The following ATPSCKMT variants were observed in gnomAD, a reference collection of about 807,000 sequenced individuals.
ATPSCKMT encodes the protein ATP synthase c subunit lysine N-methyltransferase.
ATPSCKMT carries 24 observed loss-of-function variants against 24.3 expected under a neutral mutation model. That is an observed-to-expected ratio of 0.99 (90% CI 0.71 to 1.39). The LOEUF (loss-of-function observed/expected upper bound fraction) is 1.39, where lower values mean the gene tolerates loss of function less well. Ranked by LOEUF, ATPSCKMT falls within the 40% of genes most tolerant of loss-of-function variation. The probability of loss-of-function intolerance (pLI) is 0.00; values close to 1 mark genes in which losing one functional copy is unlikely to be tolerated. For missense variants in ATPSCKMT, 311 were observed against 298.4 expected (o/e 1.04, Z -0.31); for synonymous variants, 95 against 110.5 (o/e 0.86, Z 0.88).
At chr5:10,239,435 A>AT in intron 1 of ATPSCKMT, 79 bp from the exon 2 acceptor site, 1 of 1,245,202 alleles carries the variant, frequency 8.0e-7, no homozygotes, top group East Asian at 2.3e-5. Flanking sequence ...TACAATTCTC[A>AT]TTGGCAAACA....
chr5:10,243,753 T>G (rs1176204933), intron 1 of ATPSCKMT, among the ~76,000 whole-genome samples: 1 of 152,260 alleles, frequency 6.6e-6, no homozygotes, highest in African/African-American at 2.4e-5. Flanking sequence ...CTTAAAGATA[T>G]GATGTGGCTG....
Position 10,236,466 on chromosome 5 carries a change from T to C in ATPSCKMT, c.444+12A>G, listed in dbSNP as rs1744373356. On this transcript the variant is annotated intron_variant, in intron 3 of 4. Transcript: ENST00000511437. ...CTTGGATTTCTCTAGGGCCATTCTC[T>C]GCCTTACATACCTTCCACAAATCTG... 1.2e-6 allele frequency: 2 copies of C among 1,612,874 alleles called. No individual in the cohort carries two copies. The highest frequency in any genetic ancestry group is 3.3e-4 in the Middle Eastern group (2 of 6,060).
Position 10,226,117 on chromosome 5 carries a change from G to A in ATPSCKMT, c.*1324C>T, listed in dbSNP as rs1290321632. Reference sequence around the variant, plus strand: ...CAGGTGCTCTCTACACCATCACACTGTTTACTTCAGAGAACTCCACACACA... The same window carrying A: ...CAGGTGCTCTCTACACCATCACACTATTTACTTCAGAGAACTCCACACACA... On this transcript the variant is annotated 3_prime_UTR_variant, in exon 5 of 5. Transcript: ENST00000511437. Among the ~76,000 whole-genome samples the A allele has an allele frequency of 6.6e-6, 1 of 152,150 alleles. No individual in the cohort carries two copies. Among genetic ancestry groups the A allele is most frequent in the Admixed American group, 6.5e-5 (1 of 15,278 alleles).
chr5:10,249,504 A>G, intron 1 of ATPSCKMT: 1 of 305,040 alleles, frequency 3.3e-6, no homozygotes. Context: ...AAAGAAGTTA[A>G]GGGATTTCCT....
chr5:10,235,130 C>T (rs928670724), intron 4 of ATPSCKMT, 81 bp downstream of exon 4: 28 of 1,313,942 alleles, frequency 2.1e-5, no homozygotes, highest in South Asian at 7.3e-5. Flanking sequence ...CACCCTCACA[C>T]GGGTGAGTGG....
At chr5:10,247,712 A>G (rs1459361958) in intron 1 of ATPSCKMT, among the ~76,000 whole-genome samples, 1 of 152,216 alleles carries the variant, frequency 6.6e-6, no homozygotes, top group Non-Finnish European at 1.5e-5. Context: ...CTAACGGAAC[A>G]TGTTCAGACT....
chr5:10,246,182 C>T (rs1184394944), intron 1 of ATPSCKMT, among the ~76,000 whole-genome samples: 1 of 152,076 alleles, frequency 6.6e-6, no homozygotes, highest in African/African-American at 2.4e-5. Context: ...GCAATCCCAG[C>T]ACTTTGGGAG....
chr5:10,249,812 C>T, intron 1 of ATPSCKMT, 46 bp downstream of exon 1: 5 of 1,537,356 alleles, frequency 3.3e-6, no homozygotes, highest in Non-Finnish European at 4.4e-6. Context: ...CCCGCCCGCA[C>T]CCCTTCTCAT....
chr5:10,247,351 T>C (rs978507391), intron 1 of ATPSCKMT, among the ~76,000 whole-genome samples: 6 of 152,186 alleles, frequency 3.9e-5, no homozygotes, highest in African/African-American at 1.4e-4. Context: ...AACAATTGAT[T>C]CCTTTTTGCG....
intron 1 of ATPSCKMT, among the ~76,000 whole-genome samples, chr5:10,248,173 A>G (rs1176618966): frequency 1.3e-5 from 2 of 152,236 alleles, no homozygotes; most frequent in Non-Finnish European, 2.9e-5. Context: ...TAACTACAGC[A>G]TATGTTATGT....
At chr5:10,235,432 G>A (rs1324739123) in intron 3 of ATPSCKMT, among the ~76,000 whole-genome samples, 171 bp from the exon 4 acceptor site, 1 of 152,192 alleles carries the variant, frequency 6.6e-6, no homozygotes, top group Non-Finnish European at 1.5e-5. Context: ...AGAATAACAT[G>A]TTCATGCTCT....
In ATPSCKMT at chr5:10,248,093, G is replaced by A. The variant is rs138606800; in HGVS notation, c.16+1765C>T. On this transcript the variant is annotated intron_variant, in intron 1 of 4. Coordinates refer to ENST00000511437, the MANE Select transcript of ATPSCKMT (RefSeq NM_199133.4). ...TAGTAACTAGCCACGTGTTTAAAGC[G>A]GGCTTATATCAGAATGTCACAACTC... 3.8e-3 allele frequency among the ~76,000 whole-genome samples: 578 copies of A among 152,300 alleles called. 6 individuals carry two copies. Among genetic ancestry groups the A allele is most frequent in the African/African-American group, 0.013 (544 of 41,542 alleles).
At chr5:10,227,909 TAAATAAA>T (rs1273798728) in intron 4 of ATPSCKMT, among the ~76,000 whole-genome samples, 4 of 152,260 alleles carry the variant, frequency 2.6e-5, no homozygotes, top group Non-Finnish European at 1.5e-5. Flanking sequence ...TATAGTTTTC[TAAATAAA>T]ATCAGGATGT....
chr5:10,245,847 A>C (rs1744895175), intron 1 of ATPSCKMT, among the ~76,000 whole-genome samples: 1 of 152,250 alleles, frequency 6.6e-6, no homozygotes, highest in Admixed American at 6.5e-5. Flanking sequence ...TGAGAGGCTA[A>C]GTAATGACTA....
At chr5:10,247,012 C>CA (rs1744967041) in intron 1 of ATPSCKMT, among the ~76,000 whole-genome samples, 1 of 152,198 alleles carries the variant, frequency 6.6e-6, no homozygotes, top group South Asian at 2.1e-4. Flanking sequence ...TTCTGGAGCA[C>CA]AGAGTGAGAG....
intron 2 of ATPSCKMT, among the ~76,000 whole-genome samples, chr5:10,237,221 C>T (rs971419923): frequency 3.3e-5 from 5 of 152,226 alleles, no homozygotes; most frequent in African/African-American, 1.2e-4. Context: ...TCTGCCTGTT[C>T]TGTCCTGCCC....
chr5:10,235,197 A>G lies in ATPSCKMT; in HGVS notation c.495+14T>C. ...ATCTAACCCCAAACAGAGAGCAGGA[A>G]AGTGCATACTCACCATCTGAGGCAC... On this transcript the variant is annotated intron_variant, in intron 4 of 4. Transcript: ENST00000511437. The G allele has an allele frequency of 1.2e-6, 2 of 1,613,486 alleles. No individual in the cohort carries two copies. The highest frequency in any genetic ancestry group is 1.7e-6 in the Non-Finnish European group (2 of 1,179,492).
rs4345282 is a variant in ATPSCKMT, at chr5:10,227,905, T to C, written c.496-258A>G. ...CAGATGTCTATCATAGATTTATAGT[T>C]TTCTAAATAAAATCAGGATGTGGCA... On this transcript the variant is annotated intron_variant, in intron 4 of 4. Transcript: ENST00000511437. 0.034 allele frequency among the ~76,000 whole-genome samples: 5,184 copies of C among 152,332 alleles called. 123 individuals are homozygous for C. The highest frequency in any genetic ancestry group is 0.067 in the African/African-American group (2,801 of 41,558).
chr5:10,245,867 A>G (rs190352172), intron 1 of ATPSCKMT, among the ~76,000 whole-genome samples: 8 of 152,324 alleles, frequency 5.3e-5, no homozygotes, highest in Admixed American at 5.2e-4. Context: ...ATTAATTGCT[A>G]TTATTATTCT....
Sources: gnomAD v4.1 joint callset for allele counts (sites outside exome capture counted in the v4.1 genomes callset) on GRCh38, gnomAD v4.1.1 for gene constraint, MANE v1.5 for transcripts, NCBI Gene and HGNC (gene_info 2026-07-23, HGNC 2026-07-21) for gene names.